Variants in GATAD2A observed in about 807,000 individuals in gnomAD.
GATAD2A encodes the protein transcriptional repressor p66-alpha.
In GATAD2A, 12 loss-of-function variants were observed where a neutral mutation model predicts 68.5. That is an observed-to-expected ratio of 0.18 (90% CI 0.11 to 0.28). The LOEUF (loss-of-function observed/expected upper bound fraction) is 0.28. Among genes scored for constraint, GATAD2A ranks in the 10% least tolerant of loss-of-function variants. GATAD2A has a pLI of 1.00. For missense variants in GATAD2A, 755 were observed against 868.5 expected (o/e 0.87, Z 1.64); for synonymous variants, 410 against 375.3 (o/e 1.09, Z -1.07).
chr19:19,485,770 G>T (rs566834915), intron 2 of GATAD2A, among the ~76,000 whole-genome samples: 2 of 152,236 alleles, frequency 1.3e-5, no homozygotes, highest in Non-Finnish European at 2.9e-5. Context: ...CGGGGGCCTT[G>T]CAGAGTTTGG....
chr19:19,445,838 T>G (rs2055648036), intron 1 of GATAD2A, among the ~76,000 whole-genome samples: 1 of 152,252 alleles, frequency 6.6e-6, no homozygotes, highest in East Asian at 1.9e-4. Flanking sequence ...TTGGGTTGTT[T>G]TCTGCTTTTT....
At chr19:19,495,522 T>C (rs1443342214) in intron 5 of GATAD2A, among the ~76,000 whole-genome samples, 1 of 151,666 alleles carries the variant, frequency 6.6e-6, no homozygotes, top group African/African-American at 2.4e-5. Flanking sequence ...TTGGCCAGGC[T>C]GGTCTCAAAC....
intron 1 of GATAD2A, among the ~76,000 whole-genome samples, chr19:19,388,519 A>G (rs2048617698): frequency 6.6e-6 from 1 of 151,952 alleles, no homozygotes; most frequent in South Asian, 2.1e-4. Context: ...TGGAGGGGAA[A>G]GTCAAAAAGC....
intron 1 of GATAD2A, chr19:19,458,531 C>G (rs916959691): frequency 2.0e-5 from 3 of 152,206 alleles, no homozygotes; most frequent in Admixed American, 1.3e-4. Flanking sequence ...AAAAAAGTTT[C>G]TGCCATTGAG....
chr19:19,411,738 A>G (rs1367397987), intron 1 of GATAD2A, among the ~76,000 whole-genome samples: 1 of 152,186 alleles, frequency 6.6e-6, no homozygotes, highest in African/African-American at 2.4e-5. Flanking sequence ...ACAAGTGGAA[A>G]GTGTCTACAG....
chr19:19,449,545 G>A (rs918299085), intron 1 of GATAD2A, among the ~76,000 whole-genome samples: 1 of 150,972 alleles, frequency 6.6e-6, no homozygotes, highest in Non-Finnish European at 1.5e-5. Context: ...ATATACCTGG[G>A]TATGTTTCTG....
At chr19:19,404,554 C>T (rs1334925728), upstream of GATAD2A, among the ~76,000 whole-genome samples, 2 of 151,976 alleles carry the variant, frequency 1.3e-5, no homozygotes, top group Non-Finnish European at 2.9e-5. Flanking sequence ...TGATGGAACG[C>T]GCCTGTAATC....
chr19:19,484,969 G>C (rs536389240), intron 2 of GATAD2A, among the ~76,000 whole-genome samples: 1 of 152,300 alleles, frequency 6.6e-6, no homozygotes, highest in East Asian at 1.9e-4. Flanking sequence ...CCTGCAGACT[G>C]CCTCCTCCTT....
At chr19:19,463,849 G>A (rs1166238685) in intron 1 of GATAD2A, among the ~76,000 whole-genome samples, 1 of 152,196 alleles carries the variant, frequency 6.6e-6, no homozygotes, top group African/African-American at 2.4e-5. Flanking sequence ...CATGTAGACG[G>A]CCTGCTTTCC....
intron 1 of GATAD2A, among the ~76,000 whole-genome samples, chr19:19,392,125 C>T (rs2048885680): frequency 8.2e-6 from 1 of 121,562 alleles, no homozygotes; most frequent in Admixed American, 1.1e-4. Flanking sequence ...TGTGCTCTGT[C>T]ACCCAGGCTG....
Position 19,502,235 on chromosome 19 carries a change from A to C in GATAD2A, c.1579-96A>C, listed in dbSNP as rs942318770. 1.7e-4 allele frequency: 177 copies of C among 1,064,612 alleles called. No homozygotes were observed. In the East Asian group the frequency reaches 4.0e-3, roughly 24 times the overall value. The allele number at this position is 1,064,612 out of a possible 1,614,324, so 65.9% of individuals were successfully genotyped here. A position where few individuals can be genotyped will look rare whatever the true frequency, so the allele number is the denominator to read the frequency against. On this transcript the variant is annotated intron_variant, in intron 10 of 11. Coordinates refer to ENST00000683918, the MANE Select transcript of GATAD2A (RefSeq NM_001384528.1). ...ACTTTAGGGACCCCATGTGGGTGGG[A>C]AGAGGTCAGCCAGAGCAAGGAGAGG...
chr19:19,443,016 A>T (rs1215220728), intron 1 of GATAD2A, among the ~76,000 whole-genome samples: 1 of 151,968 alleles, frequency 6.6e-6, no homozygotes, highest in Non-Finnish European at 1.5e-5. Context: ...GGTGACAGGG[A>T]TGCTCTACAC....
chr19:19,425,137 G>A (rs2052922666), intron 1 of GATAD2A, among the ~76,000 whole-genome samples: 1 of 151,946 alleles, frequency 6.6e-6, no homozygotes, highest in Non-Finnish European at 1.5e-5. Context: ...TTATTTCTTG[G>A]CATTAAGTGA....
At chr19:19,399,052 C>G (rs1419854527) in intron 1 of GATAD2A, among the ~76,000 whole-genome samples, 1 of 151,770 alleles carries the variant, frequency 6.6e-6, no homozygotes, top group Non-Finnish European at 1.5e-5. Flanking sequence ...GAGTGAGACT[C>G]CGTCTCAAAA....
At chr19:19,465,717 G>A (rs989325359) in intron 2 of GATAD2A, 103 bp downstream of exon 2, 13 of 1,372,334 alleles carry the variant, frequency 9.5e-6, no homozygotes, top group South Asian at 4.0e-5. Flanking sequence ...ACAGCTTGGC[G>A]GGGTTGTGGA....
At chr19:19,402,484 T>G (rs2049844087), upstream of GATAD2A, 1 of 151,024 alleles carries the variant, frequency 6.6e-6, no homozygotes, top group East Asian at 2.0e-4. Context: ...GTCAAGAGAT[T>G]GAGACCATCC....
intron 1 of GATAD2A, among the ~76,000 whole-genome samples, chr19:19,406,375 G>A (rs2050255875): frequency 1.3e-5 from 2 of 151,092 alleles, no homozygotes; most frequent in African/African-American, 2.4e-5. Flanking sequence ...GCGGGAAGAC[G>A]GCACGTGGGC....
At chr19:19,483,781 ATTTTTTTTT>A (rs540958459) in intron 2 of GATAD2A, among the ~76,000 whole-genome samples, 1 of 130,020 alleles carries the variant, frequency 7.7e-6, no homozygotes, top group African/African-American at 3.0e-5. Flanking sequence ...TACCCGGCTA[ATTTTTTTTT>A]TTTTTTTTTT....
At chr19:19,422,322 C>G (rs1031368956) in intron 1 of GATAD2A, among the ~76,000 whole-genome samples, 2 of 152,206 alleles carry the variant, frequency 1.3e-5, no homozygotes, top group Non-Finnish European at 1.5e-5. Flanking sequence ...TCTGGCTCCT[C>G]TTGGAGCAGG....
Sources: allele counts gnomAD v4.1 joint callset (sites outside exome capture counted in the v4.1 genomes callset), GRCh38; gene constraint gnomAD v4.1.1; transcripts MANE v1.5; gene names NCBI Gene and HGNC (gene_info 2026-07-23, HGNC 2026-07-21).